The following EDN1 variants were observed in gnomAD, a reference collection of about 807,000 sequenced individuals.
The protein encoded by EDN1 is endothelin-1.
A neutral mutation model predicts 21.7 loss-of-function variants in EDN1; 11 were observed. The observed-to-expected ratio is 0.51, with a 90% CI of 0.32 to 0.84. EDN1 has a LOEUF of 0.84. Among genes scored for constraint, EDN1 ranks in the 40% least tolerant of loss-of-function variants. The pLI is 0.03. For synonymous variants in EDN1, 85 were observed against 90.6 expected (o/e 0.94, Z 0.35); for missense variants, 244 against 262.3 (o/e 0.93, Z 0.48).
At chr6:12,235,838 G>A in the EDN1 span, among the ~76,000 whole-genome samples, 5 of 152,270 alleles carry the variant, frequency 3.3e-5, no homozygotes, top group East Asian at 9.6e-4. Context: ...AATTTAAATA[G>A]CCACAAGTGA....
At chr6:12,292,197 C>G in intron 1 of EDN1, 144 bp from the exon 2 acceptor site, 2 of 1,224,648 alleles carry the variant, frequency 1.6e-6, no homozygotes, top group Middle Eastern at 1.9e-4. Context: ...ATAAAGAGCC[C>G]TTTTTTCTGT....
intron 2 of EDN1, among the ~76,000 whole-genome samples, chr6:12,293,432 T>G (rs896836325): frequency 3.3e-5 from 5 of 152,196 alleles, no homozygotes; most frequent in Non-Finnish European, 7.3e-5. Flanking sequence ...TGTGAACATG[T>G]GCCTCCTCCT....
At chr6:12,249,743 G>C in the EDN1 span, among the ~76,000 whole-genome samples, 1 of 152,124 alleles carries the variant, frequency 6.6e-6, no homozygotes, top group Non-Finnish European at 1.5e-5. Flanking sequence ...GGCAAAGCCA[G>C]AGTCCTTATT....
intron 2 of EDN1, among the ~76,000 whole-genome samples, chr6:12,293,445 C>T (rs1368365494): frequency 6.6e-6 from 1 of 152,156 alleles, no homozygotes; most frequent in African/African-American, 2.4e-5. Context: ...CTCCTCCTCC[C>T]CCAACCACTG....
the EDN1 span, among the ~76,000 whole-genome samples, chr6:12,230,583 G>A: frequency 6.6e-6 from 1 of 152,236 alleles, no homozygotes; most frequent in East Asian, 1.9e-4. Flanking sequence ...AAAATGTGAA[G>A]AACGTGGTAC....
chr6:12,286,218 T>C (rs1426740646), upstream of EDN1, among the ~76,000 whole-genome samples: 1 of 152,368 alleles, frequency 6.6e-6, no homozygotes, highest in East Asian at 1.9e-4. Flanking sequence ...TTGCTATCTA[T>C]GATTATCCTA....
chr6:12,249,366 T>A, the EDN1 span, among the ~76,000 whole-genome samples: 312 of 152,218 alleles, frequency 2.0e-3, 2 homozygotes, highest in African/African-American at 6.8e-3. Flanking sequence ...CTACATTATA[T>A]GGATTGTAAA....
chr6:12,249,777 G>C, the EDN1 span, among the ~76,000 whole-genome samples: 1 of 152,024 alleles, frequency 6.6e-6, no homozygotes, highest in Non-Finnish European at 1.5e-5. Context: ...AAGCCTATGG[G>C]TGTGTTATCA....
chr6:12,253,320 G>A, the EDN1 span, among the ~76,000 whole-genome samples: 3 of 152,128 alleles, frequency 2.0e-5, no homozygotes, highest in Non-Finnish European at 4.4e-5. Flanking sequence ...ATGCTAGACA[G>A]CATTCTAGTC....
the EDN1 span, among the ~76,000 whole-genome samples, chr6:12,256,931 G>A: frequency 9.9e-5 from 15 of 152,064 alleles, no homozygotes; most frequent in Non-Finnish European, 1.8e-4. Flanking sequence ...CTGTACAGAC[G>A]TATTAAAGGC....
At chr6:12,235,546 T>C in the EDN1 span, among the ~76,000 whole-genome samples, 4 of 152,228 alleles carry the variant, frequency 2.6e-5, no homozygotes, top group African/African-American at 4.8e-5. Context: ...TAGTATGTAA[T>C]GCCAAGACAG....
At chr6:12,274,772 G>A in the EDN1 span, among the ~76,000 whole-genome samples, 11 of 152,202 alleles carry the variant, frequency 7.2e-5, no homozygotes, top group South Asian at 6.2e-4. Flanking sequence ...CTAACTGTCC[G>A]AGGACAAATA....
chr6:12,293,834 G>A, intron 2 of EDN1, 107 bp from the exon 3 acceptor site: 9 of 1,262,810 alleles, frequency 7.1e-6, no homozygotes, highest in Non-Finnish European at 1.0e-5. Context: ...GCTCCCAAGT[G>A]CTATGTGATG....
chr6:12,255,493 G>A, the EDN1 span, among the ~76,000 whole-genome samples: 1 of 152,202 alleles, frequency 6.6e-6, no homozygotes, highest in Non-Finnish European at 1.5e-5. Context: ...TTAAAAGCAG[G>A]AACAAGACCA....
At chr6:12,270,114 A>C in the EDN1 span, among the ~76,000 whole-genome samples, 1 of 152,002 alleles carries the variant, frequency 6.6e-6, no homozygotes, top group Non-Finnish European at 1.5e-5. Flanking sequence ...TTGTATTTCT[A>C]GGATCAGTTC....
At chr6:12,247,769 C>A in the EDN1 span, among the ~76,000 whole-genome samples, 6 of 151,914 alleles carry the variant, frequency 3.9e-5, no homozygotes, top group Non-Finnish European at 1.5e-5. Context: ...AATCTCCTGA[C>A]CTCAGGTGAT....
At chr6:12,278,632 C>G in the EDN1 span, among the ~76,000 whole-genome samples, 1 of 152,202 alleles carries the variant, frequency 6.6e-6, no homozygotes, top group African/African-American at 2.4e-5. Flanking sequence ...TGGCTCATAC[C>G]TGTAATCCCA....
At chr6:12,280,232 C>G in the EDN1 span, among the ~76,000 whole-genome samples, 1 of 152,098 alleles carries the variant, frequency 6.6e-6, no homozygotes, top group Non-Finnish European at 1.5e-5. Flanking sequence ...ATAAAAGGAT[C>G]TTTCAAAGCT....
At chr6:12,283,473 G>T in the EDN1 span, among the ~76,000 whole-genome samples, 1 of 152,262 alleles carries the variant, frequency 6.6e-6, no homozygotes, top group South Asian at 2.1e-4. Context: ...TGGAGTTGGA[G>T]ATTTGAACTC....
Sources: allele counts gnomAD v4.1 joint callset (sites outside exome capture counted in the v4.1 genomes callset), GRCh38; gene constraint gnomAD v4.1.1; transcripts MANE v1.5; gene names NCBI Gene and HGNC (gene_info 2026-07-23, HGNC 2026-07-21).